ZSWIM6: variants seen among roughly 807,000 people sequenced by gnomAD.
ZSWIM6 encodes the protein zinc finger SWIM-type containing 6.
ZSWIM6 carries 9 observed loss-of-function variants against 113.2 expected under a neutral mutation model. The observed-to-expected ratio is 0.08, with a 90% CI of 0.05 to 0.14. The LOEUF is 0.14. Ranked by LOEUF, ZSWIM6 falls within the 10% of genes least tolerant of loss-of-function variation. ZSWIM6 has a pLI of 1.00. For missense variants in ZSWIM6, 1,162 were observed against 1,552.2 expected (o/e 0.75, Z 4.22); for synonymous variants, 611 against 606.5 (o/e 1.01, Z -0.11).
rs953478513 is a variant in ZSWIM6, at chr5:61,333,976, C to T, written c.676+1028C>T. Among the ~76,000 whole-genome samples, 6 of 152,198 alleles carry T rather than the reference C, an allele frequency of 3.9e-5. No individual in the cohort carries two copies. In the South Asian group the frequency reaches 6.2e-4, roughly 16 times the overall value. Reference sequence around the variant, plus strand: ...CCCGCGTCCCCGCGGCGCGGCAGCCCGGCACGACCCAGCACTTTGTTCTCA... The same window carrying T: ...CCCGCGTCCCCGCGGCGCGGCAGCCTGGCACGACCCAGCACTTTGTTCTCA... On this transcript the variant is annotated intron_variant, in intron 1 of 13. Transcript: ENST00000252744.
chr5:61,479,487 T>G (rs1747800198), intron 2 of ZSWIM6, among the ~76,000 whole-genome samples: 1 of 152,126 alleles, frequency 6.6e-6, no homozygotes, highest in South Asian at 2.1e-4. Context: ...ACCCTCATAA[T>G]TTAAAAAGAT....
intron 4 of ZSWIM6, among the ~76,000 whole-genome samples, chr5:61,509,547 A>G (rs959597342): frequency 6.6e-6 from 1 of 152,152 alleles, no homozygotes; most frequent in African/African-American, 2.4e-5. Context: ...GATAATCCAG[A>G]AGCTAGGTGA....
intron 1 of ZSWIM6, among the ~76,000 whole-genome samples, chr5:61,432,179 A>T (rs1314427305): frequency 6.6e-6 from 1 of 152,196 alleles, no homozygotes; most frequent in Non-Finnish European, 1.5e-5. Flanking sequence ...ATTTCAAAAC[A>T]ATTTTGCTTC....
At chr5:61,366,048 C>T (rs1391064129) in intron 1 of ZSWIM6, among the ~76,000 whole-genome samples, 1 of 152,060 alleles carries the variant, frequency 6.6e-6, no homozygotes, top group Non-Finnish European at 1.5e-5. Context: ...GCGCCGGGCA[C>T]CATGCCTAGC....
At chr5:61,455,175 G>C (rs573974743) in intron 1 of ZSWIM6, among the ~76,000 whole-genome samples, 8 of 152,192 alleles carry the variant, frequency 5.3e-5, no homozygotes, top group African/African-American at 1.9e-4. Flanking sequence ...TTTCTTCCTT[G>C]TTAATATTAG....
At chr5:61,404,383 G>A (rs1268696315) in intron 1 of ZSWIM6, among the ~76,000 whole-genome samples, 1 of 152,148 alleles carries the variant, frequency 6.6e-6, no homozygotes, top group Non-Finnish European at 1.5e-5. Flanking sequence ...AATTAAGGCA[G>A]ATGAAAAATT....
chr5:61,386,370 G>C (rs1204966276), intron 1 of ZSWIM6, among the ~76,000 whole-genome samples: 1 of 152,186 alleles, frequency 6.6e-6, no homozygotes, highest in East Asian at 1.9e-4. Flanking sequence ...ATTGGGCTGT[G>C]GCTGTTTTAC....
At chr5:61,490,498 T>C (rs1254173511) in intron 2 of ZSWIM6, among the ~76,000 whole-genome samples, 2 of 152,116 alleles carry the variant, frequency 1.3e-5, no homozygotes, top group Admixed American at 6.6e-5. Flanking sequence ...TGAAACACTT[T>C]TGTGAATTTG....
chr5:61,529,730 T>A (rs1257111840), intron 7 of ZSWIM6, among the ~76,000 whole-genome samples: 2 of 152,212 alleles, frequency 1.3e-5, no homozygotes, highest in African/African-American at 4.8e-5. Flanking sequence ...TTTTTCCCTA[T>A]ACAACATAAT....
chr5:61,505,572 A>C (rs1748579304), intron 4 of ZSWIM6, among the ~76,000 whole-genome samples: 1 of 151,834 alleles, frequency 6.6e-6, no homozygotes, highest in Admixed American at 6.6e-5. Context: ...CCAGGATACC[A>C]GTTAATTGTT....
chr5:61,454,887 GTT>G (rs11325786), intron 1 of ZSWIM6, among the ~76,000 whole-genome samples: 54 of 138,302 alleles, frequency 3.9e-4, no homozygotes, highest in East Asian at 4.2e-4. Flanking sequence ...CCCAGTGAAG[GTT>G]TTTTTTTTTT....
At chr5:61,485,754 A>G (rs193055629) in intron 2 of ZSWIM6, among the ~76,000 whole-genome samples, 1 of 152,196 alleles carries the variant, frequency 6.6e-6, no homozygotes, top group Admixed American at 6.5e-5. Flanking sequence ...TTCGCCCCTC[A>G]ATTCATCCTC....
intron 1 of ZSWIM6, chr5:61,391,415 T>C: frequency 1.0e-6 from 1 of 976,850 alleles, no homozygotes; most frequent in Non-Finnish European, 1.7e-6. Context: ...TACTTCTTCA[T>C]GCTGCTGAAG....
intron 1 of ZSWIM6, among the ~76,000 whole-genome samples, chr5:61,389,435 A>C (rs1745655196): frequency 6.6e-6 from 1 of 151,384 alleles, no homozygotes; most frequent in Non-Finnish European, 1.5e-5. Flanking sequence ...GGTGCCTGTA[A>C]TCCTGGCTAC....
chr5:61,529,809 G>A (rs1749381931), intron 7 of ZSWIM6, among the ~76,000 whole-genome samples: 1 of 152,188 alleles, frequency 6.6e-6, no homozygotes, highest in Non-Finnish European at 1.5e-5. Flanking sequence ...TTTGGGAGCT[G>A]TCCTGGAAAT....
intron 1 of ZSWIM6, among the ~76,000 whole-genome samples, chr5:61,471,033 C>T (rs1482922040): frequency 6.6e-6 from 1 of 152,180 alleles, no homozygotes; most frequent in Non-Finnish European, 1.5e-5. Context: ...GCTCCATGTG[C>T]ACCACCCGTT....
rs1292386704 is a variant in ZSWIM6, at chr5:61,473,427, C to T, written c.1033+390C>T. ...TTTCCAGTGCAGGAAAGCCTCTGAC[C>T]GGTTGCCTCATATTAGGAAAATAAA... On this transcript the variant is annotated intron_variant, in intron 2 of 13. Coordinates refer to ENST00000252744, the MANE Select transcript of ZSWIM6 (RefSeq NM_020928.2). Among the ~76,000 whole-genome samples, 14 of 152,030 alleles carry T rather than the reference C, an allele frequency of 9.2e-5. No individual in the cohort carries two copies. The East Asian group carries it at 2.1e-3, about 23-fold the overall frequency.
intron 4 of ZSWIM6, among the ~76,000 whole-genome samples, chr5:61,498,987 A>T (rs532215818): frequency 1.5e-4 from 23 of 152,066 alleles, no homozygotes; most frequent in Non-Finnish European, 3.1e-4. Flanking sequence ...ACTTTAGTTG[A>T]GTTATTCAAA....
chr5:61,463,403 T>A (rs917520198), intron 1 of ZSWIM6, among the ~76,000 whole-genome samples: 5 of 152,222 alleles, frequency 3.3e-5, no homozygotes, highest in African/African-American at 9.6e-5. Context: ...AAAGACTTGT[T>A]GAGGCTGTAA....
Sources: gnomAD v4.1 joint callset for allele counts (sites outside exome capture counted in the v4.1 genomes callset) on GRCh38, gnomAD v4.1.1 for gene constraint, MANE v1.5 for transcripts, NCBI Gene and HGNC (gene_info 2026-07-23, HGNC 2026-07-21) for gene names.